The following NUP50 variants were observed in gnomAD, a reference collection of about 807,000 sequenced individuals.
NUP50 encodes nucleoporin 50.
Under a neutral mutation model 36.8 loss-of-function variants are expected in NUP50, and 14 were observed. The ratio of observed to expected loss-of-function variants is 0.38; its 90% CI spans 0.25 to 0.59. The LOEUF is 0.59. Among genes scored for constraint, NUP50 ranks in the 20% least tolerant of loss-of-function variants. The pLI, the probability that NUP50 is intolerant of heterozygous loss-of-function variation, is 0.63. For synonymous variants in NUP50, 195 were observed against 210.8 expected, an observed-to-expected ratio of 0.93 and a Z score of 0.65; for missense variants, 455 against 564.6, an observed-to-expected ratio of 0.81 and a Z score of 1.97.
intron 2 of NUP50, chr22:45,171,100 G>T: frequency 7.7e-7 from 1 of 1,292,602 alleles, no homozygotes; most frequent in Non-Finnish European, 1.0e-6. Context: ...AGCAGTGGTT[G>T]TCCAGCAAGG....
At chr22:45,169,431 C>G (rs561689500) in intron 2 of NUP50, among the ~76,000 whole-genome samples, 148 of 152,040 alleles carry the variant, frequency 9.7e-4, no homozygotes, top group African/African-American at 3.4e-3. Context: ...ACCCAGGTGC[C>G]GAGGCAAGAG....
At chr22:45,182,543 A>T (rs1436008827) in intron 6 of NUP50, among the ~76,000 whole-genome samples, 1 of 151,860 alleles carries the variant, frequency 6.6e-6, no homozygotes, top group Non-Finnish European at 1.5e-5. Context: ...CTTTGTTATT[A>T]GTTAGACCCT....
At chr22:45,175,762 A>G in intron 3 of NUP50, 132 bp from the exon 4 acceptor site, 2 of 656,384 alleles carry the variant, frequency 3.0e-6, no homozygotes, top group South Asian at 2.4e-5. Context: ...TGCTTGTGCC[A>G]GCAGTTTGCC....
intron 4 of NUP50, chr22:45,178,019 G>C: frequency 1.9e-6 from 1 of 513,362 alleles, no homozygotes. Flanking sequence ...CCACCTACTC[G>C]GGAGGTTGAG....
intron 1 of NUP50, 77 bp from the exon 2 acceptor site, chr22:45,168,091 C>G: frequency 1.8e-6 from 2 of 1,084,170 alleles, no homozygotes; most frequent in Admixed American, 2.3e-5. Flanking sequence ...TCACTTCATG[C>G]TAGAGTGAAT....
At position 45,168,890 on chromosome 22, in the gene NUP50, T is replaced by TAA. The variant is rs1433644469; in HGVS notation, c.69+651_69+652dup. 6.0e-4 allele frequency among the ~76,000 whole-genome samples: 76 copies of TAA among 127,068 alleles called. 1 individual carries two copies. In the South Asian group the frequency reaches 7.4e-3, roughly 12 times the overall value. 83.4% of individuals were successfully genotyped at this position (127,068 alleles called of 152,430 possible). On this transcript the variant is annotated intron_variant, in intron 2 of 7. Coordinates refer to ENST00000347635, the MANE Select transcript of NUP50 (RefSeq NM_007172.4). ...CAGCATAGAGAGATCCCGGTCTCTATAAAAAAAATTTTTTTTTTTTTTTTT... is the reference window on the plus strand; with the variant it reads ...CAGCATAGAGAGATCCCGGTCTCTATAAAAAAAAAATTTTTTTTTTTTTTTTT...
Position 45,175,989 on chromosome 22 carries a change from G to A in NUP50, c.249G>A (p.Lys83=). The change falls in exon 4 of 8, where the codon AAG becomes AAA. Residue 83 remains lysine, a synonymous_variant. Coordinates refer to ENST00000347635, the MANE Select transcript of NUP50 (RefSeq NM_007172.4). ...FSGFGSGAGG[K]PLEGLSNGNN... The stretch of plus-strand genomic sequence containing the variant: ...GATTTGGTAGTGGCGCTGGAGGGAA[G>A]CCTTTGGAAGGACTGTCGAATGGAA... The A allele has an allele frequency of 6.2e-7, 1 of 1,609,994 alleles. No individual in the cohort carries two copies. The highest frequency in any genetic ancestry group is 1.1e-5 in the South Asian group (1 of 90,990).
chr22:45,180,858 A>G (rs2074357743), intron 5 of NUP50, among the ~76,000 whole-genome samples: 1 of 149,880 alleles, frequency 6.7e-6, no homozygotes, highest in South Asian at 2.1e-4. Context: ...AAAAAAAAGT[A>G]TTTTTCTATC....
At chr22:45,172,524 A>C (rs2074211404) in intron 3 of NUP50, among the ~76,000 whole-genome samples, 1 of 152,168 alleles carries the variant, frequency 6.6e-6, no homozygotes, top group African/African-American at 2.4e-5. Flanking sequence ...AGTAAGCATA[A>C]TGCAGACTTC....
At chr22:45,167,164 G>T (rs558048475) in intron 1 of NUP50, among the ~76,000 whole-genome samples, 1 of 152,146 alleles carries the variant, frequency 6.6e-6, no homozygotes, top group Admixed American at 6.5e-5. Context: ...AAACAAGAGT[G>T]GGGAGAGTAT....
rs1160129534 is a variant in NUP50 at position 45,185,292 on chromosome 22, G to A, written c.*637G>A. The A allele has an allele frequency of 6.5e-6, 1 of 152,854 alleles. No homozygotes were observed. The highest frequency in any genetic ancestry group is 1.5e-5 in the Non-Finnish European group (1 of 68,418). 9.5% of individuals were successfully genotyped at this position (152,854 alleles called of 1,614,324 possible). A position where few individuals can be genotyped will look rare whatever the true frequency, so the allele number is the denominator to read the frequency against. ...CTGCATTTTCATTCTAAAAAGAAAT[G>A]AACAGCTTGTGAAGGAGTTTTTTGG... On this transcript the variant is annotated 3_prime_UTR_variant, in exon 8 of 8. Coordinates refer to ENST00000347635, the MANE Select transcript of NUP50 (RefSeq NM_007172.4).
Position 45,176,081 on chromosome 22 carries a change from G to A in NUP50, c.340+1G>A. On this transcript the variant is annotated splice_donor_variant, in intron 4 of 7. Transcript: ENST00000347635. LOFTEE classifies it high-confidence loss of function. Reference sequence around the variant, plus strand: ...GCGGCAGATCCCAAGGTAGCCTTTGGTAAGTAGCTCCCATCCCCCAGCCGC... The same window carrying A: ...GCGGCAGATCCCAAGGTAGCCTTTGATAAGTAGCTCCCATCCCCCAGCCGC... 2 of 1,612,734 alleles carry A rather than the reference G, an allele frequency of 1.2e-6. No homozygotes were observed. The highest frequency in any genetic ancestry group is 1.7e-6 in the Non-Finnish European group (2 of 1,178,968).
chr22:45,174,789 A>C (rs1464728019), intron 3 of NUP50, among the ~76,000 whole-genome samples: 2 of 152,208 alleles, frequency 1.3e-5, no homozygotes, highest in African/African-American at 4.8e-5. Flanking sequence ...TGTGCATTAA[A>C]ACTCATACAA....
chr22:45,178,979 A>G (rs1442494066), intron 5 of NUP50, 79 bp downstream of exon 5: 3 of 1,355,684 alleles, frequency 2.2e-6, no homozygotes, highest in African/African-American at 1.5e-5. Flanking sequence ...TTTGATTCCA[A>G]ATATGAGTCT....
At position 45,187,386 on chromosome 22, in the gene NUP50, A is replaced by C. The variant is rs777938880; in HGVS notation, c.*2731A>C. 6.6e-6 allele frequency: 1 copy of C among 150,794 alleles called. No individual in the cohort carries two copies. Among genetic ancestry groups the C allele is most frequent in the Non-Finnish European group, 1.5e-5 (1 of 67,730 alleles). The allele number at this position is 150,794 out of a possible 1,614,324, so 9.3% of individuals were successfully genotyped here. A position where few individuals can be genotyped will look rare whatever the true frequency, so the allele number is the denominator to read the frequency against. On this transcript the variant is annotated 3_prime_UTR_variant, in exon 8 of 8. Transcript: ENST00000347635. ...AGGATTATTCTGTTTTACAATTTCA[A>C]TTCTAGATCACATTTTATATATGCT...
rs1046479778 is a variant in NUP50, at chr22:45,185,548, C to G, written c.*893C>G. ...ACCCCACGCACATGAAAACTGTGAC[C>G]AAGTGACGTGCCTGGGAGCTTTGAC... On this transcript the variant is annotated 3_prime_UTR_variant, in exon 8 of 8. Coordinates refer to ENST00000347635, the MANE Select transcript of NUP50 (RefSeq NM_007172.4). The G allele has an allele frequency of 3.9e-5, 6 of 151,960 alleles. No individual in the cohort carries two copies. The highest frequency in any genetic ancestry group is 1.5e-4 in the African/African-American group (6 of 41,364). The allele number at this position is 151,960 out of a possible 1,614,324, so 9.4% of individuals were successfully genotyped here.
chr22:45,165,117 C>T, intron 1 of NUP50, among the ~76,000 whole-genome samples: 1 of 152,214 alleles, frequency 6.6e-6, no homozygotes, highest in Middle Eastern at 3.2e-3. Context: ...ATAACTATAT[C>T]AGGCACAAAT....
intron 5 of NUP50, among the ~76,000 whole-genome samples, chr22:45,181,004 A>G (rs1232485841): frequency 6.6e-6 from 1 of 151,710 alleles, no homozygotes; most frequent in Non-Finnish European, 1.5e-5. Context: ...TGTCATAAGC[A>G]TGGAGATTTT....
At chr22:45,168,847 A>G (rs1601767859) in intron 2 of NUP50, among the ~76,000 whole-genome samples, 1 of 151,798 alleles carries the variant, frequency 6.6e-6, no homozygotes, top group African/African-American at 2.4e-5. Context: ...TTTTTCCCTT[A>G]TAAACAGTAG....
Sources: gnomAD v4.1 joint callset for allele counts (sites outside exome capture counted in the v4.1 genomes callset) on GRCh38, gnomAD v4.1.1 for gene constraint, MANE v1.5 for transcripts, NCBI Gene and HGNC (gene_info 2026-07-23, HGNC 2026-07-21) for gene names.